The following DDB1 variants were observed in gnomAD, a reference collection of about 807,000 sequenced individuals.
The protein encoded by DDB1 is DNA damage-binding protein 1.
A neutral mutation model predicts 133.1 loss-of-function variants in DDB1; 18 were observed. That is an observed-to-expected ratio of 0.14 (90% confidence interval 0.09 to 0.20). DDB1 has a LOEUF of 0.20. Ranked by LOEUF, DDB1 falls within the 10% of genes least tolerant of loss-of-function variation. The pLI is 1.00. For missense variants in DDB1, 828 were observed against 1,459.2 expected (o/e 0.57, Z 7.05); for synonymous variants, 580 against 550.5 (o/e 1.05, Z -0.75).
rs1856370052 is a variant in DDB1, at chr11:61,331,554, A to C, written c.199T>G (p.Phe67Val). 1 of 1,614,108 alleles carries C rather than the reference A, an allele frequency of 6.2e-7. No homozygotes were observed. Among genetic ancestry groups the C allele is most frequent in the Non-Finnish European group, 8.5e-7 (1 of 1,179,966 alleles). ...ACTGCAACACTTACCTTGGGCCTGA[A>C]AAGCTCCATGACCGCAATCTTCCCA... is the stretch of plus-strand genomic sequence containing the variant. Reference protein sequence around the residue: ...MYGKIAVMELFRPKGESKDLL... With the variant: ...MYGKIAVMELVRPKGESKDLL... The change falls in exon 2 of 27, where the codon TTC becomes GTC. Residue 67 changes from phenylalanine (F) to valine (V), a missense_variant. Around this residue, in one of 7 missense-constraint regions of DDB1, gnomAD observed 210 missense variants for 344.8 expected, o/e 0.61. Coordinates refer to ENST00000301764, the MANE Select transcript of DDB1 (RefSeq NM_001923.5).
At chr11:61,330,986 G>A (rs1345377026) in intron 2 of DDB1, among the ~76,000 whole-genome samples, 3 of 152,148 alleles carry the variant, frequency 2.0e-5, no homozygotes, top group Non-Finnish European at 4.4e-5. Flanking sequence ...GTAAATGCTT[G>A]CTATATGATA....
rs772399483 is a variant in DDB1 at position 61,316,415 on chromosome 11, G to A, written c.1302-22C>T. 9 of 1,613,492 alleles carry A rather than the reference G, an allele frequency of 5.6e-6. No individual in the cohort carries two copies. In the East Asian group the frequency reaches 2.0e-4, roughly 36 times the overall value. ...AACTCTGCAGCAGAATGGAGGGCCT[G>A]GGTCAGCCTGGGACCAGCTTCCCCA... On this transcript the variant is annotated intron_variant, in intron 11 of 26. Transcript: ENST00000301764.
At chr11:61,304,066 G>C (rs1209062345) in intron 21 of DDB1, 31 bp from the exon 22 acceptor site, 1 of 1,612,422 alleles carries the variant, frequency 6.2e-7, no homozygotes, top group African/African-American at 1.3e-5. Flanking sequence ...CTCAGCCAAA[G>C]GGGCCAGAGC....
chr11:61,309,438 A>G (rs2134903469), intron 20 of DDB1, among the ~76,000 whole-genome samples: 1 of 152,286 alleles, frequency 6.6e-6, no homozygotes, highest in African/African-American at 2.4e-5. Context: ...ATAAACACAG[A>G]GTTGAAGCTG....
chr11:61,322,463 C>G, intron 8 of DDB1, 51 bp from the exon 9 acceptor site: 1 of 1,341,134 alleles, frequency 7.5e-7, no homozygotes, highest in Non-Finnish European at 1.1e-6. Context: ...CTAACAGACC[C>G]ACCCAAAAGA....
chr11:61,324,574 T>C (rs1275609499), intron 6 of DDB1, among the ~76,000 whole-genome samples: 1 of 152,152 alleles, frequency 6.6e-6, no homozygotes, highest in Non-Finnish European at 1.5e-5. Flanking sequence ...CAGGCTAAAG[T>C]ACGGTGGCTA....
intron 22 of DDB1, 150 bp from the exon 23 acceptor site, chr11:61,303,305 C>G: frequency 1.5e-6 from 1 of 668,566 alleles, no homozygotes; most frequent in Non-Finnish European, 2.5e-6. Flanking sequence ...TAGAGGGATT[C>G]TCCCCGACCT....
chr11:61,303,227 T>C, intron 22 of DDB1, 72 bp from the exon 23 acceptor site: 1 of 1,419,182 alleles, frequency 7.0e-7, no homozygotes, highest in Non-Finnish European at 9.9e-7. Context: ...GGGACTTGTG[T>C]TTCCTTTATT....
chr11:61,316,995 A>ATATATATATATATG (rs1856095673), intron 10 of DDB1, among the ~76,000 whole-genome samples: 2 of 94,106 alleles, frequency 2.1e-5, no homozygotes, highest in Non-Finnish European at 4.9e-5. Context: ...ATATATATAT[A>ATATATATATATATG]TATAGACATG....
At chr11:61,304,771 G>A (rs1194470870) in intron 21 of DDB1, among the ~76,000 whole-genome samples, 3 of 151,620 alleles carry the variant, frequency 2.0e-5, no homozygotes, top group East Asian at 1.9e-4. Context: ...CCAGCTACTC[G>A]GCAGGCTGAG....
chr11:61,333,047 C>T lies in DDB1; in HGVS notation c.-79G>A, dbSNP rs974855359. ...CACAAGCGAAAAGACAGGTGGCCCC[C>T]AACAGCGCGCAGCGAACTCCACTGC... On this transcript the variant is annotated 5_prime_UTR_variant, in exon 1 of 27. Coordinates refer to ENST00000301764, the MANE Select transcript of DDB1 (RefSeq NM_001923.5). 5.3e-6 allele frequency: 7 copies of T among 1,328,992 alleles called. No homozygotes were observed. The highest frequency in any genetic ancestry group is 2.0e-6 in the Non-Finnish European group (2 of 996,014). The allele number at this position is 1,328,992 out of a possible 1,614,324, so 82.3% of individuals were successfully genotyped here. A position where few individuals can be genotyped will look rare whatever the true frequency, so the allele number is the denominator to read the frequency against.
chr11:61,331,497 G>T (rs751723929), intron 2 of DDB1, 46 bp downstream of exon 2: 20 of 1,595,186 alleles, frequency 1.3e-5, no homozygotes, highest in South Asian at 5.5e-5. Flanking sequence ...AACAACCTAC[G>T]ACCAACAGTT....
chr11:61,321,536 G>T (rs939872063), intron 10 of DDB1, 59 bp downstream of exon 10: 4 of 1,537,660 alleles, frequency 2.6e-6, no homozygotes, highest in South Asian at 2.2e-5. Context: ...TTCACAACAT[G>T]TAACAAGGCC....
At chr11:61,303,314 C>T in intron 22 of DDB1, 159 bp from the exon 23 acceptor site, 4 of 644,170 alleles carry the variant, frequency 6.2e-6, no homozygotes, top group South Asian at 5.6e-5. Context: ...TCTCCCCGAC[C>T]TCTCTGCCAA....
intron 26 of DDB1, 53 bp downstream of exon 26, chr11:61,300,756 C>T: frequency 1.2e-6 from 2 of 1,605,078 alleles, no homozygotes; most frequent in Non-Finnish European, 1.7e-6. Context: ...TCCTGGCATG[C>T]CCCAACCTGC....
chr11:61,313,444 ACATCATGACCC>A, intron 16 of DDB1, 44 bp downstream of exon 16: 1 of 1,507,956 alleles, frequency 6.6e-7, no homozygotes, highest in African/African-American at 1.4e-5. Context: ...TTTGAGGAAA[ACATCATGACCC>A]CCTCAATCAA....
chr11:61,321,865 A>G (rs1162217715), intron 9 of DDB1, 168 bp from the exon 10 acceptor site: 4 of 626,012 alleles, frequency 6.4e-6, no homozygotes, highest in Non-Finnish European at 8.4e-6. Context: ...TTTCAAATTT[A>G]CAGAGCAGAC....
intron 21 of DDB1, among the ~76,000 whole-genome samples, chr11:61,308,243 A>C (rs1308598323): frequency 6.6e-6 from 1 of 151,766 alleles, no homozygotes; most frequent in Non-Finnish European, 1.5e-5. Context: ...GCCCACTCTC[A>C]CCTATGACCT....
Position 61,321,715 on chromosome 11 carries a change from G to C in DDB1, c.1123-18C>G. ...GTGACCAGCTGCAAGCAGAGAAAACGTTTCTAAAGAACCCCCTCAAGATAC... is the reference window on the plus strand; with the variant it reads ...GTGACCAGCTGCAAGCAGAGAAAACCTTTCTAAAGAACCCCCTCAAGATAC... On this transcript the variant is annotated intron_variant, in intron 9 of 26. Coordinates refer to ENST00000301764, the MANE Select transcript of DDB1 (RefSeq NM_001923.5). 6.2e-7 allele frequency: 1 copy of C among 1,611,498 alleles called. No homozygotes were observed. Among genetic ancestry groups the C allele is most frequent in the Non-Finnish European group, 8.5e-7 (1 of 1,177,682 alleles).
Sources: gnomAD v4.1 joint callset for allele counts (sites outside exome capture counted in the v4.1 genomes callset) on GRCh38, gnomAD v4.1.1 for gene constraint, gnomAD v4.1.1 regional missense constraint, MANE v1.5 for transcripts, NCBI Gene and HGNC (gene_info 2026-07-23, HGNC 2026-07-21) for gene names.